Variants in SARS1 observed in about 807,000 individuals in gnomAD.
SARS1 encodes the protein serine--tRNA ligase, cytoplasmic.
In SARS1, 25 loss-of-function variants were observed where a neutral mutation model predicts 63.7. The observed-to-expected ratio is 0.39, with a 90% CI of 0.29 to 0.55. SARS1 has a LOEUF of 0.55. SARS1 is among the 20% of genes least tolerant of loss of function. The pLI, the probability that SARS1 is intolerant of heterozygous loss-of-function variation, is 0.62. For synonymous variants in SARS1, 231 were observed against 243.5 expected (o/e 0.95, Z 0.48); for missense variants, 417 against 649.7 (o/e 0.64, Z 3.89).
At position 109,214,080 on chromosome 1, in the gene SARS1, C is replaced by T. The variant is rs1382968538; in HGVS notation, c.88C>T (p.Pro30Ser). Residue 30 changes from proline (P) to serine (S), a missense_variant, in exon 1 of 11, where the codon CCG becomes TCG. This residue lies in a region of SARS1 where 359 missense variants were observed against 529.6 expected (regional missense o/e 0.68). Transcript: ENST00000234677. The surrounding 1 kb of genome is among the most constrained non-coding windows in gnomAD (Gnocchi z 4.6). ...RETQEKRFKD[P>S]GLVDQLVKAD... ...GACGCAGGAGAAGCGCTTCAAGGAC[C>T]CGGGACTAGTGGACCAGCTGGTGAA... is the stretch of plus-strand genomic sequence containing the variant. The T allele has an allele frequency of 1.9e-6, 3 of 1,614,132 alleles. No homozygotes were observed. The highest frequency in any genetic ancestry group is 1.7e-6 in the Non-Finnish European group (2 of 1,179,990).
At chr1:109,236,855 C>T in intron 9 of SARS1, 1 of 1,601,654 alleles carries the variant, frequency 6.2e-7, no homozygotes. Context: ...AGGCTTCCCT[C>T]TTCTCACCCA....
chr1:109,236,303 T>C (rs1457407851), intron 8 of SARS1, 88 bp from the exon 9 acceptor site: 3 of 1,405,100 alleles, frequency 2.1e-6, no homozygotes, highest in African/African-American at 1.4e-5. Flanking sequence ...AGACAGGACA[T>C]GAATTAAAGA....
intron 2 of SARS1, among the ~76,000 whole-genome samples, chr1:109,225,177 A>G (rs781061202): frequency 3.9e-5 from 6 of 152,182 alleles, no homozygotes; most frequent in Non-Finnish European, 7.3e-5. Context: ...AAACCTCAAA[A>G]CTAAACAACA....
chr1:109,231,089 T>A (rs1406712409), intron 5 of SARS1, 68 bp downstream of exon 5: 35 of 989,686 alleles, frequency 3.5e-5, no homozygotes, highest in Admixed American at 1.8e-4. Context: ...ATATATTTTT[T>A]TTTTTTTTTG....
chr1:109,222,522 A>G (rs1362813288), intron 1 of SARS1, among the ~76,000 whole-genome samples: 1 of 151,982 alleles, frequency 6.6e-6, no homozygotes, highest in Non-Finnish European at 1.5e-5. Context: ...CCTCCATCTC[A>G]CCCCTAGCAA....
At chr1:109,234,795 GTC>G (rs1300368262) in intron 6 of SARS1, among the ~76,000 whole-genome samples, 1 of 152,120 alleles carries the variant, frequency 6.6e-6, no homozygotes, top group Non-Finnish European at 1.5e-5. Flanking sequence ...GTGAAACCTT[GTC>G]TCTACTAACA....
chr1:109,230,508 T>G (rs1655185666), intron 4 of SARS1, among the ~76,000 whole-genome samples: 2 of 152,226 alleles, frequency 1.3e-5, no homozygotes, highest in South Asian at 4.1e-4. Context: ...GTTGTAGAAT[T>G]AAGAAATCAT....
intron 1 of SARS1, among the ~76,000 whole-genome samples, chr1:109,222,655 AG>A (rs1654975561): frequency 6.6e-6 from 1 of 152,212 alleles, no homozygotes; most frequent in East Asian, 1.9e-4. Flanking sequence ...TTCTTGGTAA[AG>A]CCTTAAAGAA....
At chr1:109,229,384 T>G in intron 3 of SARS1, 30 bp from the exon 4 acceptor site, 2 of 1,609,700 alleles carry the variant, frequency 1.2e-6, no homozygotes, top group Non-Finnish European at 1.7e-6. Context: ...CTCACTGTCC[T>G]GCTTATGGGC....
intron 3 of SARS1, 125 bp downstream of exon 3, chr1:109,228,557 A>T: frequency 1.5e-6 from 1 of 662,644 alleles, no homozygotes; most frequent in Non-Finnish European, 2.6e-6. Context: ...TGCTGCTGGG[A>T]AATGTCCCCA....
intron 3 of SARS1, 145 bp downstream of exon 3, chr1:109,228,577 G>C: frequency 3.3e-6 from 2 of 607,014 alleles, no homozygotes; most frequent in Non-Finnish European, 5.8e-6. Flanking sequence ...ACCCATTCTT[G>C]TTATATTCTA....
rs779120546 is a variant in SARS1, at chr1:109,214,623, G to A, written c.136+495G>A. 4.1e-6 allele frequency: 4 copies of A among 985,824 alleles called. No homozygotes were observed. Among genetic ancestry groups the A allele is most frequent in the Non-Finnish European group, 3.6e-6 (3 of 830,192 alleles). 61.1% of individuals were successfully genotyped at this position (985,824 alleles called of 1,614,324 possible). ...TTCCTTCGGTATCGGAAGCATTTCG[G>A]GGCGTTGGAGGCCGCTCTTGGCCAA... On this transcript the variant is annotated intron_variant, in intron 1 of 10. Coordinates refer to ENST00000234677, the MANE Select transcript of SARS1 (RefSeq NM_006513.4). This position sits in a 1 kb window ranked among gnomAD's most constrained non-coding sequence, Gnocchi z 4.6.
intron 5 of SARS1, 100 bp downstream of exon 5, chr1:109,231,121 A>G: frequency 2.7e-6 from 2 of 733,204 alleles, no homozygotes; most frequent in Non-Finnish European, 3.7e-6. Flanking sequence ...AATCTGTTTA[A>G]AGAGGCCCAC....
chr1:109,231,065 C>T lies in SARS1; in HGVS notation c.591+44C>T, dbSNP rs768186947. On this transcript the variant is annotated intron_variant, in intron 5 of 10. Coordinates refer to ENST00000234677, the MANE Select transcript of SARS1 (RefSeq NM_006513.4). ...TGAGGATAGGATTATGAAAAAGAAA[C>T]AAAATATATATATATATATTTTTTT... 1.6e-5 allele frequency: 17 copies of T among 1,071,534 alleles called. No homozygotes were observed. The South Asian group carries it at 6.7e-4, about 42-fold the overall frequency. 66.4% of individuals were successfully genotyped at this position (1,071,534 alleles called of 1,614,324 possible).
chr1:109,218,193 CAAAAAAAAAAAAA>C (rs35069915), intron 1 of SARS1, among the ~76,000 whole-genome samples: 2 of 39,768 alleles, frequency 5.0e-5, no homozygotes, highest in Non-Finnish European at 9.4e-5. Flanking sequence ...ACTCTGTCTC[CAAAAAAAAAAAAA>C]AAAAAAAAAA....
At chr1:109,227,624 G>A (rs1052382890) in intron 2 of SARS1, among the ~76,000 whole-genome samples, 4 of 152,192 alleles carry the variant, frequency 2.6e-5, no homozygotes, top group East Asian at 1.9e-4. Flanking sequence ...ACTCGGGGCC[G>A]GGTGCAGTGG....
chr1:109,237,155 G>T lies in SARS1; in HGVS notation c.1258-89G>T, dbSNP rs892466471. ...TTTGATTTGGACAGTTGTGGTTGGG[G>T]AAGTCTGGTTGAATGGATGGTTCCT... On this transcript the variant is annotated intron_variant, in intron 9 of 10. Coordinates refer to ENST00000234677, the MANE Select transcript of SARS1 (RefSeq NM_006513.4). The surrounding 1 kb of genome is among the most constrained non-coding windows in gnomAD (Gnocchi z 4.1). 5.5e-5 allele frequency: 84 copies of T among 1,524,816 alleles called. No individual in the cohort carries two copies. Among genetic ancestry groups the T allele is most frequent in the Non-Finnish European group, 6.7e-5 (76 of 1,136,480 alleles). The allele number at this position is 1,524,816 out of a possible 1,614,324, so 94.5% of individuals were successfully genotyped here.
chr1:109,230,372 G>GT (rs1441957426), intron 4 of SARS1, among the ~76,000 whole-genome samples: 2 of 152,090 alleles, frequency 1.3e-5, no homozygotes, highest in Admixed American at 6.6e-5. Flanking sequence ...CTCAAACTTT[G>GT]TAAGTTACTA....
rs942586215 is a variant in SARS1, at chr1:109,237,583, A to G, written c.1388-148A>G. The stretch of plus-strand genomic sequence containing the variant: ...TTGAAATGCTGCTAAAATTCAGACT[A>G]GGGAAGAAAAGAATAAAGGAAACCA... On this transcript the variant is annotated intron_variant, in intron 10 of 10. Coordinates refer to ENST00000234677, the MANE Select transcript of SARS1 (RefSeq NM_006513.4). The surrounding 1 kb of genome is among the most constrained non-coding windows in gnomAD (Gnocchi z 4.1). 1 of 1,102,806 alleles carries G rather than the reference A, an allele frequency of 9.1e-7. No homozygotes were observed. The highest frequency in any genetic ancestry group is 1.6e-5 in the African/African-American group (1 of 62,746). The allele number at this position is 1,102,806 out of a possible 1,614,324, so 68.3% of individuals were successfully genotyped here.
Sources: allele counts gnomAD v4.1 joint callset (sites outside exome capture counted in the v4.1 genomes callset), GRCh38; gene constraint gnomAD v4.1.1; regional missense constraint gnomAD v4.1.1; non-coding constraint Gnocchi (gnomAD v3.1); transcripts MANE v1.5; gene names NCBI Gene and HGNC (gene_info 2026-07-23, HGNC 2026-07-21).